KDM7A: variants seen among roughly 807,000 people sequenced by gnomAD.
KDM7A encodes lysine demethylase 7A.
Under a neutral mutation model 114.8 loss-of-function variants are expected in KDM7A, and 28 were observed. The observed-to-expected ratio is 0.24, with a 90% CI of 0.18 to 0.33. The LOEUF (loss-of-function observed/expected upper bound fraction) is 0.33. Among genes scored for constraint, KDM7A ranks in the 10% least tolerant of loss-of-function variants. KDM7A has a pLI of 1.00. For missense variants in KDM7A, 942 were observed against 1,142.5 expected (o/e 0.82, Z 2.53); for synonymous variants, 423 against 397.8 (o/e 1.06, Z -0.75).
intron 1 of KDM7A, among the ~76,000 whole-genome samples, chr7:140,153,183 G>A (rs1433960778): frequency 6.6e-6 from 1 of 151,560 alleles, no homozygotes; most frequent in Non-Finnish European, 1.5e-5. Context: ...ACAGGCAAAT[G>A]TAAGGAAAAT....
chr7:140,165,804 A>G (rs1003069583), intron 1 of KDM7A, among the ~76,000 whole-genome samples: 4 of 151,304 alleles, frequency 2.6e-5, no homozygotes, highest in African/African-American at 9.8e-5. Flanking sequence ...TATGCCAAAG[A>G]GAAACCATAA....
chr7:140,096,855 T>A (rs1465060376), intron 16 of KDM7A, 44 bp downstream of exon 16: 1 of 1,598,522 alleles, frequency 6.3e-7, no homozygotes, highest in East Asian at 2.2e-5. Flanking sequence ...TTCATAGTAT[T>A]TACCTTACAA....
intron 1 of KDM7A, among the ~76,000 whole-genome samples, chr7:140,145,178 T>C (rs1794327207): frequency 6.6e-6 from 1 of 152,238 alleles, no homozygotes; most frequent in African/African-American, 2.4e-5. Context: ...TGTTCACCCA[T>C]GTGGTGCAGA....
chr7:140,161,670 G>C (rs372800427), intron 1 of KDM7A, among the ~76,000 whole-genome samples: 2 of 151,570 alleles, frequency 1.3e-5, no homozygotes, highest in African/African-American at 2.4e-5. Context: ...TCAGCCTCCC[G>C]AGCAGCTGGG....
At chr7:140,139,842 T>A (rs548575286) in intron 1 of KDM7A, among the ~76,000 whole-genome samples, 1 of 152,336 alleles carries the variant, frequency 6.6e-6, no homozygotes, top group East Asian at 1.9e-4. Context: ...GCATAGCCCA[T>A]TTTAGGAATG....
chr7:140,091,855 T>A lies in KDM7A; in HGVS notation c.2680A>T (p.Thr894Ser). Residue 894 changes from threonine to serine, a missense_variant, in exon 19 of 20, where the codon ACC becomes TCC. Thr to Ser is a moderately conservative substitution (Grantham distance 58, BLOSUM62 1). This residue lies in a region of KDM7A where 512 missense variants were observed against 576.6 expected (regional missense o/e 0.89). Coordinates refer to ENST00000397560, the MANE Select transcript of KDM7A (RefSeq NM_030647.2). ...GGTGGATTTGATGCCGGTCTCTTGG[T>A]GGGGTGAAGGGGCACCGAGAAGGAA... is the stretch of plus-strand genomic sequence containing the variant. ...ETSFSVPLHP[T>S]KRPASNPPPI... 1.9e-6 allele frequency: 3 copies of A among 1,613,722 alleles called. No individual in the cohort carries two copies. The highest frequency in any genetic ancestry group is 2.5e-6 in the Non-Finnish European group (3 of 1,179,934).
At chr7:140,103,143 A>G (rs1422679352) in intron 11 of KDM7A, among the ~76,000 whole-genome samples, 2 of 152,090 alleles carry the variant, frequency 1.3e-5, no homozygotes, top group African/African-American at 4.8e-5. Flanking sequence ...CTTCCCGCCA[A>G]CCCCTAGCAA....
At chr7:140,094,614 TCAAAAA>T (rs1324693861) in intron 17 of KDM7A, 1 of 153,996 alleles carries the variant, frequency 6.5e-6, no homozygotes, top group African/African-American at 2.4e-5. Context: ...TGCCTTTCCC[TCAAAAA>T]CAAAAAGTCA....
chr7:140,151,097 C>T lies in KDM7A; in HGVS notation c.195-11907G>A, dbSNP rs151156410. On this transcript the variant is annotated intron_variant, in intron 1 of 19. Coordinates refer to ENST00000397560, the MANE Select transcript of KDM7A (RefSeq NM_030647.2). Reference sequence around the variant, plus strand: ...ACACCCACCTCGGCCTCCCAAAGTGCTGGGATTACAGGCGTGAGCCACCGT... The same window carrying T: ...ACACCCACCTCGGCCTCCCAAAGTGTTGGGATTACAGGCGTGAGCCACCGT... Among the ~76,000 whole-genome samples, 656 of 152,190 alleles carry T rather than the reference C, an allele frequency of 4.3e-3. 7 individuals are homozygous for T. The highest frequency in any genetic ancestry group is 0.015 in the African/African-American group (609 of 41,518).
At chr7:140,140,516 C>A (rs1249348606) in intron 1 of KDM7A, among the ~76,000 whole-genome samples, 1 of 152,068 alleles carries the variant, frequency 6.6e-6, no homozygotes, top group Non-Finnish European at 1.5e-5. Context: ...TGGTTCACAC[C>A]CGTAATCCCA....
At chr7:140,109,162 GTCTGT>G (rs950942906) in intron 11 of KDM7A, among the ~76,000 whole-genome samples, 6 of 152,152 alleles carry the variant, frequency 3.9e-5, no homozygotes, top group Non-Finnish European at 7.3e-5. Context: ...TCCAGGTACC[GTCTGT>G]CACGGCTTCC....
intron 1 of KDM7A, among the ~76,000 whole-genome samples, chr7:140,172,430 G>A (rs1365183561): frequency 6.6e-6 from 1 of 151,996 alleles, no homozygotes; most frequent in African/African-American, 2.4e-5. Context: ...GAGGAGGGTG[G>A]ATCACGAGGT....
At position 140,099,938 on chromosome 7, in the gene KDM7A, T is replaced by C; in HGVS notation, c.1724A>G (p.Asn575Ser). The C allele has an allele frequency of 6.2e-7, 1 of 1,612,278 alleles. No individual in the cohort carries two copies. The highest frequency in any genetic ancestry group is 1.1e-5 in the South Asian group (1 of 91,064). ...ATTTGTCAGCAGTAATCGTAGATCA[T>C]TATCTTTCGCTCTCCATTCAGGTAC... ...STVPEWRAKD[N>S]DLRLLLTNGR... Residue 575 changes from asparagine (N) to serine (S), a missense_variant, in exon 13 of 20, where the codon AAT (asparagine) becomes AGT (serine). This residue lies in a region of KDM7A where 512 missense variants were observed against 576.6 expected (regional missense o/e 0.89). Coordinates refer to ENST00000397560, the MANE Select transcript of KDM7A (RefSeq NM_030647.2).
chr7:140,165,725 C>A (rs912713111), intron 1 of KDM7A, among the ~76,000 whole-genome samples: 2 of 151,998 alleles, frequency 1.3e-5, no homozygotes, highest in Admixed American at 6.6e-5. Context: ...TTCAGCTAAC[C>A]GTTATTTTAC....
chr7:140,131,227 C>T (rs1818781371), intron 3 of KDM7A, among the ~76,000 whole-genome samples: 1 of 152,050 alleles, frequency 6.6e-6, no homozygotes, highest in Admixed American at 6.6e-5. Flanking sequence ...TCCAGTTGCC[C>T]TCTCTGATGA....
chr7:140,112,728 A>T (rs141297854), intron 10 of KDM7A, among the ~76,000 whole-genome samples: 1 of 152,264 alleles, frequency 6.6e-6, no homozygotes, highest in African/African-American at 2.4e-5. Context: ...TGAGAAAGAC[A>T]GTCCCTGTTC....
chr7:140,109,352 C>T (rs977535317), intron 11 of KDM7A, among the ~76,000 whole-genome samples: 6 of 152,230 alleles, frequency 3.9e-5, no homozygotes, highest in Admixed American at 6.5e-5. Context: ...GTCGCTCACG[C>T]TGGGAGCTGT....
chr7:140,102,959 G>A (rs938821000), intron 11 of KDM7A, among the ~76,000 whole-genome samples: 2 of 152,016 alleles, frequency 1.3e-5, no homozygotes, highest in African/African-American at 2.4e-5. Context: ...TTTTTACTGT[G>A]GTAACATAAA....
In KDM7A at chr7:140,150,748, T is replaced by C. The variant is rs111459206; in HGVS notation, c.195-11558A>G. 4.8e-4 allele frequency among the ~76,000 whole-genome samples: 73 copies of C among 152,248 alleles called. 1 individual carries two copies. Among genetic ancestry groups the C allele is most frequent in the African/African-American group, 1.7e-3 (72 of 41,554 alleles). ...AATCAGCAGTGTACATTGTTTATTT[T>C]TAAAAAGAAAAACACATTCCTGAGC... On this transcript the variant is annotated intron_variant, in intron 1 of 19. Transcript: ENST00000397560.
Sources: gnomAD v4.1 joint callset for allele counts (sites outside exome capture counted in the v4.1 genomes callset) on GRCh38, gnomAD v4.1.1 for gene constraint, gnomAD v4.1.1 regional missense constraint, MANE v1.5 for transcripts, NCBI Gene and HGNC (gene_info 2026-07-23, HGNC 2026-07-21) for gene names.